Variants in FDFT1 observed in about 807,000 individuals in gnomAD.
The protein encoded by FDFT1 is farnesyl-diphosphate farnesyltransferase 1, also known as squalene synthase.
In FDFT1, 68 loss-of-function variants were observed where a neutral mutation model predicts 46.8. The observed-to-expected ratio is 1.45, with a 90% CI of 1.19 to 1.78. The LOEUF is 1.78. FDFT1 is among the 40% of genes most tolerant of loss of function. FDFT1 has a pLI of 0.00. For synonymous variants in FDFT1, 351 were observed against 185.1 expected, an observed-to-expected ratio of 1.90 and a Z score of -7.28; for missense variants, 928 against 524.4, an observed-to-expected ratio of 1.77 and a Z score of -7.52.
At chr8:11,805,929 C>G (rs1806772024) in intron 1 of FDFT1, among the ~76,000 whole-genome samples, 1 of 152,180 alleles carries the variant, frequency 6.6e-6, no homozygotes, top group African/African-American at 2.4e-5. Flanking sequence ...CAGGTGATGT[C>G]CGCATTGTGC....
intron 3 of FDFT1, among the ~76,000 whole-genome samples, chr8:11,814,894 G>A (rs1396598910): frequency 1.3e-5 from 2 of 151,742 alleles, no homozygotes; most frequent in South Asian, 2.1e-4. Context: ...TATACTTTAA[G>A]TTCTAGGGTA....
rs75580554 is a variant in FDFT1, at chr8:11,797,222, G to A, written c.-94+1211G>A. ...CTGTCTGAACCCCACCTCTGGAGTC[G>A]AATCTCGCCTTCTATCTCATTTTGA... On this transcript the variant is annotated intron_variant, in intron 1 of 7. Coordinates refer to the FDFT1 transcript ENST00000538689. 7.4e-3 allele frequency among the ~76,000 whole-genome samples: 1,128 copies of A among 152,254 alleles called. 49 individuals carry two copies. In the East Asian group the frequency reaches 0.1, roughly 14 times the overall value.
chr8:11,828,571 T>A (rs1810333025), intron 5 of FDFT1, among the ~76,000 whole-genome samples: 1 of 152,232 alleles, frequency 6.6e-6, no homozygotes, highest in African/African-American at 2.4e-5. Flanking sequence ...GCCACGGGCA[T>A]GTGATGCATG....
chr8:11,804,340 G>A (rs1334464143), intron 1 of FDFT1, among the ~76,000 whole-genome samples: 3 of 152,202 alleles, frequency 2.0e-5, no homozygotes, highest in Admixed American at 6.5e-5. Flanking sequence ...TTCCTGTTGG[G>A]AGGGAAAGTG....
At chr8:11,820,827 A>T (rs957023402) in intron 3 of FDFT1, among the ~76,000 whole-genome samples, 1 of 152,168 alleles carries the variant, frequency 6.6e-6, no homozygotes, top group Non-Finnish European at 1.5e-5. Flanking sequence ...CACTTCCTGG[A>T]TGAGGTGACG....
rs570616456 is a variant in FDFT1 at position 11,832,975 on chromosome 8, T to C, written c.1032+1305T>C. Among the ~76,000 whole-genome samples the C allele has an allele frequency of 2.2e-4, 33 of 152,312 alleles. 1 individual carries two copies. The highest frequency in any genetic ancestry group is 3.4e-3 in the Middle Eastern group (1 of 294). ...TTCATCTAAATAGAATTATACAAAA[T>C]AGCGATTTCTGATTTCTCTTGCATA... On this transcript the variant is annotated intron_variant, in intron 7 of 7. Transcript: ENST00000220584.
At chr8:11,820,406 C>G (rs1809063017) in intron 3 of FDFT1, among the ~76,000 whole-genome samples, 1 of 152,256 alleles carries the variant, frequency 6.6e-6, no homozygotes, top group Admixed American at 6.5e-5. Context: ...ATGTTTAAAT[C>G]TGCAGAAGCC....
chr8:11,825,344 C>G (rs544254597), intron 4 of FDFT1, among the ~76,000 whole-genome samples: 1 of 152,032 alleles, frequency 6.6e-6, no homozygotes, highest in African/African-American at 2.4e-5. Context: ...GAGTTCGAGA[C>G]CAGCGTGGCC....
intron 3 of FDFT1, among the ~76,000 whole-genome samples, chr8:11,812,091 T>G (rs958698666): frequency 2.0e-5 from 3 of 152,206 alleles, no homozygotes; most frequent in African/African-American, 7.2e-5. Flanking sequence ...GCTCTTAGAC[T>G]GGGGCAAGTG....
intron 3 of FDFT1, among the ~76,000 whole-genome samples, chr8:11,813,237 C>T (rs1345395580): frequency 2.6e-5 from 4 of 152,198 alleles, no homozygotes; most frequent in South Asian, 2.1e-4. Flanking sequence ...GTATCTTTCT[C>T]ACCTGGTACT....
intron 1 of FDFT1, among the ~76,000 whole-genome samples, chr8:11,807,552 G>A (rs1215362716): frequency 6.6e-6 from 1 of 151,358 alleles, no homozygotes; most frequent in Non-Finnish European, 1.5e-5. Context: ...GGAACCCGCC[G>A]TATTTTCCAC....
intron 3 of FDFT1, among the ~76,000 whole-genome samples, chr8:11,812,777 A>G (rs1807918093): frequency 6.6e-6 from 1 of 152,218 alleles, no homozygotes; most frequent in African/African-American, 2.4e-5. Flanking sequence ...GCCTCGATGT[A>G]CAGTAGATTG....
intron 3 of FDFT1, among the ~76,000 whole-genome samples, chr8:11,811,810 C>G (rs991101915): frequency 1.3e-5 from 2 of 152,184 alleles, no homozygotes; most frequent in African/African-American, 4.8e-5. Flanking sequence ...TGAAGATGTA[C>G]TAAGTTGTGT....
At chr8:11,797,723 A>G (rs537875994), upstream of FDFT1, among the ~76,000 whole-genome samples, 12 of 152,124 alleles carry the variant, frequency 7.9e-5, no homozygotes, top group Non-Finnish European at 1.8e-4. Flanking sequence ...GAAACACCAG[A>G]AAAGGATTCC....
At chr8:11,799,982 G>A (rs536047857), upstream of FDFT1, among the ~76,000 whole-genome samples, 3 of 149,728 alleles carry the variant, frequency 2.0e-5, no homozygotes, top group African/African-American at 7.4e-5. Context: ...AGCACTCGAA[G>A]GCTGGGCGCA....
In FDFT1 at chr8:11,826,209, T is replaced by C; in HGVS notation, c.696T>C (p.Pro232=). 6.5e-7 allele frequency: 1 copy of C among 1,538,642 alleles called. No individual in the cohort carries two copies. The highest frequency in any genetic ancestry group is 8.9e-7 in the Non-Finnish European group (1 of 1,129,176). ...EDQQGGREFW[P]QEVWSRYVKK... is the part of the protein sequence containing the mutation. Reference sequence around the variant, plus strand: ...AGCAAGGAGGAAGAGAGTTCTGGCCTCAAGAGGTAACAGATTCAGGGTATT... The same window carrying C: ...AGCAAGGAGGAAGAGAGTTCTGGCCCCAAGAGGTAACAGATTCAGGGTATT... The change falls in exon 5 of 8, where the codon CCT becomes CCC. Residue 232 remains proline (P), a synonymous_variant. Coordinates refer to ENST00000220584, the MANE Select transcript of FDFT1 (RefSeq NM_004462.5).
chr8:11,825,161 A>G (rs17153891), intron 4 of FDFT1, among the ~76,000 whole-genome samples: 4,236 of 152,288 alleles, frequency 0.028, 229 homozygotes, highest in African/African-American at 0.096. Flanking sequence ...AGATTAAACC[A>G]TAGTTGGTAT....
chr8:11,804,444 C>T lies in FDFT1; in HGVS notation c.99+1513C>T, dbSNP rs114625432. On this transcript the variant is annotated intron_variant, in intron 1 of 7. Coordinates refer to ENST00000220584, the MANE Select transcript of FDFT1 (RefSeq NM_004462.5). ...AAAAGCGAGACTTGAGCTATTCTAGCTCTGATAATATGGTGCAGTATTTGT... is the reference window on the plus strand; with the variant it reads ...AAAAGCGAGACTTGAGCTATTCTAGTTCTGATAATATGGTGCAGTATTTGT... 4.7e-4 allele frequency among the ~76,000 whole-genome samples: 71 copies of T among 152,126 alleles called. 1 individual carries two copies. Among genetic ancestry groups the T allele is most frequent in the African/African-American group, 1.7e-3 (69 of 41,484 alleles).
chr8:11,812,868 G>C (rs2130752336), intron 3 of FDFT1, among the ~76,000 whole-genome samples: 1 of 152,288 alleles, frequency 6.6e-6, no homozygotes, highest in South Asian at 2.1e-4. Flanking sequence ...TGTATGTTAG[G>C]GGTTCGATTA....
Sources: allele counts gnomAD v4.1 joint callset (sites outside exome capture counted in the v4.1 genomes callset), GRCh38; gene constraint gnomAD v4.1.1; transcripts MANE v1.5; gene names NCBI Gene and HGNC (gene_info 2026-07-23, HGNC 2026-07-21).